The following WDPCP variants were observed in gnomAD, a reference collection of about 807,000 sequenced individuals.
WDPCP encodes WD repeat-containing and planar cell polarity effector protein fritz homolog.
Under a neutral mutation model 93.1 loss-of-function variants are expected in WDPCP, and 71 were observed. That is an observed-to-expected ratio of 0.76 (90% CI 0.63 to 0.93). The LOEUF (loss-of-function observed/expected upper bound fraction) is 0.93. Ranked by LOEUF, WDPCP falls within the 40% of genes least tolerant of loss-of-function variation. The pLI is 0.00. For synonymous variants in WDPCP, 315 were observed against 315.0 expected (o/e 1.00, Z 0.00); for missense variants, 844 against 887.4 (o/e 0.95, Z 0.62).
At chr2:63,230,063 CT>C (rs1678700690) in intron 14 of WDPCP, among the ~76,000 whole-genome samples, 1 of 151,300 alleles carries the variant, frequency 6.6e-6, no homozygotes, top group South Asian at 2.1e-4. Context: ...TTAGGTATAT[CT>C]CCTAATGCTA....
intron 12 of WDPCP, among the ~76,000 whole-genome samples, chr2:63,356,728 A>G (rs1408686719): frequency 6.6e-6 from 1 of 152,250 alleles, no homozygotes; most frequent in African/African-American, 2.4e-5. Flanking sequence ...GAAAATAATA[A>G]GAACAAAGAT....
chr2:63,313,750 A>C (rs1259137042), intron 12 of WDPCP, among the ~76,000 whole-genome samples: 1 of 151,672 alleles, frequency 6.6e-6, no homozygotes, highest in African/African-American at 2.4e-5. Flanking sequence ...ACTAAGGAAG[A>C]GGTCAGAGGA....
intron 14 of WDPCP, among the ~76,000 whole-genome samples, chr2:63,231,684 C>T: frequency 6.6e-6 from 1 of 152,012 alleles, no homozygotes. Context: ...TAAAAGAGGA[C>T]ACAAACAAAT....
At chr2:63,617,658 T>C (rs1709687172) in intron 3 of WDPCP, among the ~76,000 whole-genome samples, 1 of 152,174 alleles carries the variant, frequency 6.6e-6, no homozygotes, top group Non-Finnish European at 1.5e-5. Context: ...TAAGAGTCTC[T>C]CAGGTGATAA....
intron 2 of WDPCP, among the ~76,000 whole-genome samples, chr2:63,730,645 T>G (rs1233878335): frequency 6.6e-6 from 1 of 152,018 alleles, no homozygotes; most frequent in African/African-American, 2.4e-5. Flanking sequence ...TTTATTTTAC[T>G]GTCTTCTTTA....
At chr2:63,708,632 T>C (rs186730841) in intron 2 of WDPCP, among the ~76,000 whole-genome samples, 15 of 152,238 alleles carry the variant, frequency 9.9e-5, no homozygotes, top group African/African-American at 3.4e-4. Flanking sequence ...GCACCCACTG[T>C]CCTGCACCCA....
At chr2:63,352,273 A>G (rs1689687246) in intron 12 of WDPCP, among the ~76,000 whole-genome samples, 2 of 152,164 alleles carry the variant, frequency 1.3e-5, no homozygotes, top group South Asian at 4.1e-4. Flanking sequence ...CTTTCATTTA[A>G]TCAGGATGCA....
chr2:63,667,013 A>G (rs1195315324), intron 2 of WDPCP, among the ~76,000 whole-genome samples: 1 of 52,936 alleles, frequency 1.9e-5, no homozygotes, highest in Non-Finnish European at 3.2e-5. Context: ...AAATGGAACC[A>G]TCTCCTGGAA....
chr2:63,228,387 C>CTTTTTTTTTTTTTTTTTTTTTTT, intron 14 of WDPCP: 2 of 110,414 alleles, frequency 1.8e-5, no homozygotes, highest in African/African-American at 3.5e-5. Flanking sequence ...TTTTCTTTTT[C>CTTTTTTTTTTTTTTTTTTTTTTT]TTTTTTTTTT....
chr2:63,250,160 A>G (rs1294956544), intron 14 of WDPCP, among the ~76,000 whole-genome samples: 1 of 152,114 alleles, frequency 6.6e-6, no homozygotes, highest in African/African-American at 2.4e-5. Context: ...TATTAAGTAA[A>G]ATACAGGTTG....
rs1668882846 is a variant in WDPCP at position 63,691,139 on chromosome 2, C to CT, written n.309-40302dup. On this transcript the variant is annotated intron_variant and non_coding_transcript_variant, in intron 2 of 4. Transcript: ENST00000467687. ...TCACGTGGGCACCCTTAGCATCCAG[C>CT]TTTTAGTCTCTATTATCCATTAATA... 4.6e-5 allele frequency among the ~76,000 whole-genome samples: 7 copies of CT among 152,152 alleles called. No individual in the cohort carries two copies. In the South Asian group the frequency reaches 8.3e-4, roughly 18 times the overall value.
chr2:63,276,083 C>T (rs778718433), intron 13 of WDPCP, among the ~76,000 whole-genome samples: 78 of 152,116 alleles, frequency 5.1e-4, no homozygotes, highest in Non-Finnish European at 6.0e-4. Flanking sequence ...CACTACCAGC[C>T]CAGAGCCCAG....
chr2:63,672,911 T>C (rs1710361887), intron 2 of WDPCP, among the ~76,000 whole-genome samples: 1 of 152,012 alleles, frequency 6.6e-6, no homozygotes, highest in African/African-American at 2.4e-5. Context: ...GCCAGGCTAA[T>C]TTAAAACTTT....
intron 2 of WDPCP, among the ~76,000 whole-genome samples, chr2:63,692,266 T>C (rs1668900559): frequency 6.6e-6 from 1 of 152,092 alleles, no homozygotes; most frequent in African/African-American, 2.4e-5. Context: ...TATGTGTAAA[T>C]CATTACTACA....
chr2:63,313,744 A>C (rs1040908444), intron 12 of WDPCP, among the ~76,000 whole-genome samples: 3 of 151,646 alleles, frequency 2.0e-5, no homozygotes, highest in African/African-American at 7.3e-5. Flanking sequence ...GGATATACTA[A>C]GGAAGAGGTC....
In WDPCP at chr2:63,289,795, T is replaced by C. The variant is rs35784692; in HGVS notation, c.1812+23453A>G. ...GCTTCATGCATTTGAAGCTCAGTTATCTTCTTTAGGATTGTCATGTCTGCC... is the reference window on the plus strand; with the variant it reads ...GCTTCATGCATTTGAAGCTCAGTTACCTTCTTTAGGATTGTCATGTCTGCC... On this transcript the variant is annotated intron_variant, in intron 13 of 17. Transcript: ENST00000272321. Among the ~76,000 whole-genome samples, 467 of 152,116 alleles carry C rather than the reference T, an allele frequency of 3.1e-3. 2 individuals carry two copies. The highest frequency in any genetic ancestry group is 5.2e-3 in the Non-Finnish European group (352 of 67,860).
intron 13 of WDPCP, among the ~76,000 whole-genome samples, chr2:63,273,563 C>T (rs978883947): frequency 6.6e-6 from 1 of 151,962 alleles, no homozygotes; most frequent in Non-Finnish European, 1.5e-5. Flanking sequence ...CATGACCCAA[C>T]TATATGCTTC....
chr2:63,382,239 T>C, intron 10 of WDPCP, 145 bp from the exon 11 acceptor site: 1 of 745,386 alleles, frequency 1.3e-6, no homozygotes, highest in South Asian at 1.7e-5. Context: ...CAACTAATAT[T>C]TGCTATAAGA....
At chr2:63,640,110 G>A (rs1005575872) in intron 3 of WDPCP, among the ~76,000 whole-genome samples, 1 of 152,116 alleles carries the variant, frequency 6.6e-6, no homozygotes, top group African/African-American at 2.4e-5. Flanking sequence ...CCAGGTTCAC[G>A]CCATTCTCCT....
Sources: allele counts gnomAD v4.1 joint callset (sites outside exome capture counted in the v4.1 genomes callset), GRCh38; gene constraint gnomAD v4.1.1; transcripts MANE v1.5; gene names NCBI Gene and HGNC (gene_info 2026-07-23, HGNC 2026-07-21).